TDRD12: variants seen among roughly 807,000 people sequenced by gnomAD.
The protein encoded by TDRD12 is putative ATP-dependent RNA helicase TDRD12.
In TDRD12, 158 loss-of-function variants were observed where a neutral mutation model predicts 133.5. The observed-to-expected ratio is 1.18, with a 90% CI of 1.04 to 1.35. The LOEUF (loss-of-function observed/expected upper bound fraction) is 1.35, where lower values mean the gene tolerates loss of function less well. TDRD12 is among the 40% of genes most tolerant of loss of function. The pLI, the probability that TDRD12 is intolerant of heterozygous loss-of-function variation, is 0.00. For synonymous variants in TDRD12, 460 were observed against 477.9 expected (o/e 0.96, Z 0.49); for missense variants, 1,443 against 1,321.3 (o/e 1.09, Z -1.43).
At chr19:32,797,987 A>G in intron 15 of TDRD12, 96 bp downstream of exon 15, 1 of 599,506 alleles carries the variant, frequency 1.7e-6, no homozygotes, top group Non-Finnish European at 3.0e-6. Context: ...CTGGGTCCAC[A>G]GTGACATGGC....
At chr19:32,823,667 G>T (rs959324987), downstream of TDRD12, among the ~76,000 whole-genome samples, 1 of 152,194 alleles carries the variant, frequency 6.6e-6, no homozygotes, top group African/African-American at 2.4e-5. Context: ...GGGGGCAGCT[G>T]GTTTCGCTGT....
intron 4 of TDRD12, among the ~76,000 whole-genome samples, chr19:32,745,935 TCTG>T (rs1375110403): frequency 6.8e-6 from 1 of 147,998 alleles, no homozygotes; most frequent in East Asian, 2.0e-4. Context: ...ATGTGGTTAT[TCTG>T]TGTGTGTGTG....
At chr19:32,811,298 C>T in exon 24 of TDRD12, 1 of 1,536,090 alleles carries the variant, frequency 6.5e-7, no homozygotes. Context: ...CAGGACGGGG[C>T]TCGTCACAAG....
At chr19:32,736,648 C>T (rs995554446) in intron 2 of TDRD12, among the ~76,000 whole-genome samples, 2 of 152,202 alleles carry the variant, frequency 1.3e-5, no homozygotes, top group South Asian at 2.1e-4. Context: ...AGAACCTGTG[C>T]CTTGCAGTAT....
intron 13 of TDRD12, among the ~76,000 whole-genome samples, chr19:32,792,481 A>G (rs562402293): frequency 6.6e-6 from 1 of 152,306 alleles, no homozygotes; most frequent in South Asian, 2.1e-4. Flanking sequence ...CAAAATATAG[A>G]AAAATGTAAA....
At chr19:32,748,818 G>C (rs184180819) in intron 5 of TDRD12, among the ~76,000 whole-genome samples, 1 of 152,190 alleles carries the variant, frequency 6.6e-6, no homozygotes, top group South Asian at 2.1e-4. Context: ...TAAAAGCTGC[G>C]GCGCTGCAAA....
chr19:32,777,841 ATATATATATATATATAT>A (rs1970640166), intron 11 of TDRD12, among the ~76,000 whole-genome samples: 1 of 14,856 alleles, frequency 6.7e-5, no homozygotes, highest in Non-Finnish European at 1.1e-4. Context: ...ATATATATAT[ATATATATATATATATAT>A]TTTTTTTTTT....
intron 11 of TDRD12, among the ~76,000 whole-genome samples, chr19:32,780,176 C>T (rs1200925200): frequency 2.0e-5 from 3 of 150,236 alleles, no homozygotes; most frequent in Non-Finnish European, 2.9e-5. Context: ...CTCCGCCTCT[C>T]GGGTTCAAGC....
Position 32,731,724 on chromosome 19 carries a change from G to C in TDRD12, c.25-1G>C, listed in dbSNP as rs765597046. ...CTGTTTGTCTTTTAAAAAATTTACA[G>C]ATTGAAGATCCAGGTTGCTTCTGGG... is the stretch of plus-strand genomic sequence containing the variant. On this transcript the variant is annotated splice_acceptor_variant, in intron 1 of 27. Coordinates refer to ENST00000444215, the Ensembl canonical transcript of TDRD12. LOFTEE classifies it high-confidence loss of function. The C allele has an allele frequency of 6.5e-7, 1 of 1,530,258 alleles. No homozygotes were observed. The highest frequency in any genetic ancestry group is 8.8e-7 in the Non-Finnish European group (1 of 1,140,262). The allele number at this position is 1,530,258 out of a possible 1,614,324, so 94.8% of individuals were successfully genotyped here.
At chr19:32,719,845 G>T in exon 1 of TDRD12, 1 of 590,316 alleles carries the variant, frequency 1.7e-6, no homozygotes. Flanking sequence ...CGAGGGGCTG[G>T]TTACTGCCAG....
At chr19:32,818,306 A>G in intron 27 of TDRD12, 149 bp downstream of exon 27, 1 of 604,666 alleles carries the variant, frequency 1.7e-6, no homozygotes, top group Non-Finnish European at 2.9e-6. Flanking sequence ...GGATGAAGGT[A>G]CTCAGAGCGG....
At chr19:32,772,909 T>G in intron 9 of TDRD12, 59 bp downstream of exon 9, 1 of 1,055,328 alleles carries the variant, frequency 9.5e-7, no homozygotes, top group Non-Finnish European at 1.3e-6. Context: ...TTTTCAAATT[T>G]TCTCTTTTGA....
At position 32,813,702 on chromosome 19, in the gene TDRD12, CATAAA is replaced by C. The variant is rs1412872151; in HGVS notation, c.3070_3074del (p.Lys1024CysfsTer6). ...TTTTCAGGTTACTAGGTACATTCAT[CATAAA>C]ATTGTTGGAAAATTGCATGATGCAA... On this transcript the variant is annotated frameshift_variant, in exon 25 of 28. Coordinates refer to ENST00000444215, the Ensembl canonical transcript of TDRD12. LOFTEE classifies it high-confidence loss of function. The C allele has an allele frequency of 2.6e-6, 4 of 1,532,566 alleles. No individual in the cohort carries two copies. In the East Asian group the frequency reaches 9.8e-5, roughly 37 times the overall value. 94.9% of individuals were successfully genotyped at this position (1,532,566 alleles called of 1,614,324 possible). A position where few individuals can be genotyped will look rare whatever the true frequency, so the allele number is the denominator to read the frequency against.
intron 8 of TDRD12, among the ~76,000 whole-genome samples, chr19:32,758,363 G>C (rs1970055309): frequency 6.6e-6 from 1 of 152,090 alleles, no homozygotes; most frequent in Non-Finnish European, 1.5e-5. Context: ...TCAAAGGTGG[G>C]TATAGCAGTG....
rs1367822235 is a variant in TDRD12 at position 32,738,994 on chromosome 19, T to C, written c.320+2T>C. The C allele has an allele frequency of 7.1e-6, 11 of 1,550,308 alleles. No individual in the cohort carries two copies. Among genetic ancestry groups the C allele is most frequent in the Non-Finnish European group, 9.6e-6 (11 of 1,146,934 alleles). On this transcript the variant is annotated splice_donor_variant, in intron 3 of 27. Coordinates refer to ENST00000444215, the Ensembl canonical transcript of TDRD12. LOFTEE classifies it high-confidence loss of function. ...GAACATTCCAGTCAAATCTAAAAAG[T>C]ATGTACATGTTTATCTCACCTTACG...
Position 32,811,200 on chromosome 19 carries a change from T to C in TDRD12, c.2838-10T>C. On this transcript the variant is annotated splice_polypyrimidine_tract_variant and intron_variant, in intron 23 of 27. Transcript: ENST00000444215. ...TCTCTGCGTTGAACCGATGCCCCAT[T>C]GCTCTCCAGGGTTCAGGTGTTGGAA... The C allele has an allele frequency of 6.5e-7, 1 of 1,533,136 alleles. No individual in the cohort carries two copies. Among genetic ancestry groups the C allele is most frequent in the Non-Finnish European group, 8.7e-7 (1 of 1,144,496 alleles). 95.0% of individuals were successfully genotyped at this position (1,533,136 alleles called of 1,614,324 possible).
chr19:32,811,642 C>G (rs1159184569), intron 24 of TDRD12, among the ~76,000 whole-genome samples: 1 of 152,168 alleles, frequency 6.6e-6, no homozygotes, highest in Non-Finnish European at 1.5e-5. Flanking sequence ...CTTACGGTCA[C>G]AGAATCTGTA....
At position 32,807,209 on chromosome 19, in the gene TDRD12, G is replaced by A. The variant is rs1971574979; in HGVS notation, c.2553-340G>A. Among the ~76,000 whole-genome samples, 3 of 140,902 alleles carry A rather than the reference G, an allele frequency of 2.1e-5. No individual in the cohort carries two copies. In the Admixed American group the frequency reaches 2.2e-4, roughly 10 times the overall value. The allele number at this position is 140,902 out of a possible 152,430, so 92.4% of individuals were successfully genotyped here. A position where few individuals can be genotyped will look rare whatever the true frequency, so the allele number is the denominator to read the frequency against. The stretch of plus-strand genomic sequence containing the variant: ...TGAGCCCAGGAGTTAAGAGGCTATG[G>A]TGAGACATGATCTTGCCACTGCACT... On this transcript the variant is annotated intron_variant, in intron 21 of 27. Transcript: ENST00000444215.
chr19:32,776,308 C>T (rs1356705134), intron 10 of TDRD12, among the ~76,000 whole-genome samples: 1 of 152,174 alleles, frequency 6.6e-6, no homozygotes, highest in Admixed American at 6.5e-5. Flanking sequence ...GACCACAGCT[C>T]CCATCTCCCA....
Sources: allele counts gnomAD v4.1 joint callset (sites outside exome capture counted in the v4.1 genomes callset), GRCh38; gene constraint gnomAD v4.1.1; transcripts MANE v1.5; gene names NCBI Gene and HGNC (gene_info 2026-07-23, HGNC 2026-07-21).